The following SLC35F1 variants were observed in gnomAD, a reference collection of about 807,000 sequenced individuals.
The protein encoded by SLC35F1 is chromosome 6 open reading frame 169.
Under a neutral mutation model 48.7 loss-of-function variants are expected in SLC35F1, and 14 were observed. The observed-to-expected ratio is 0.29, with a 90% CI of 0.19 to 0.45. The LOEUF (loss-of-function observed/expected upper bound fraction) is 0.45, where lower values mean the gene tolerates loss of function less well. Among genes scored for constraint, SLC35F1 ranks in the 20% least tolerant of loss-of-function variants. SLC35F1 has a pLI of 1.00. For synonymous variants in SLC35F1, 190 were observed against 202.2 expected (o/e 0.94, Z 0.51); for missense variants, 404 against 500.0 (o/e 0.81, Z 1.83).
At chr6:118,276,955 C>T (rs1775925196) in intron 5 of SLC35F1, among the ~76,000 whole-genome samples, 1 of 152,158 alleles carries the variant, frequency 6.6e-6, no homozygotes, top group South Asian at 2.1e-4. Context: ...ATATGGTCCT[C>T]TGAGCAGCAG....
intron 1 of SLC35F1, among the ~76,000 whole-genome samples, chr6:117,990,869 C>T (rs976383453): frequency 2.0e-5 from 3 of 152,150 alleles, no homozygotes; most frequent in African/African-American, 4.8e-5. Context: ...TTGGCTCCAT[C>T]CACCAGTCTG....
At chr6:118,113,373 C>A (rs1333519074) in intron 1 of SLC35F1, among the ~76,000 whole-genome samples, 3 of 152,220 alleles carry the variant, frequency 2.0e-5, no homozygotes, top group East Asian at 1.9e-4. Flanking sequence ...AGGTGCGAGA[C>A]CTCACCTAGC....
intron 1 of SLC35F1, among the ~76,000 whole-genome samples, chr6:117,990,172 G>C (rs1268868693): frequency 6.6e-6 from 1 of 152,146 alleles, no homozygotes; most frequent in Admixed American, 6.5e-5. Context: ...AAAGGCATCA[G>C]GTGAAGATCC....
intron 4 of SLC35F1, among the ~76,000 whole-genome samples, chr6:118,273,927 G>C (rs1775888765): frequency 6.6e-6 from 1 of 152,172 alleles, no homozygotes; most frequent in East Asian, 1.9e-4. Flanking sequence ...AGTTGCCTTA[G>C]AAAAAGTGGC....
intron 1 of SLC35F1, among the ~76,000 whole-genome samples, chr6:117,959,019 G>T (rs1776461721): frequency 6.6e-6 from 1 of 152,186 alleles, no homozygotes; most frequent in African/African-American, 2.4e-5. Flanking sequence ...ATGGACTTCA[G>T]AGGCAGGCTG....
At chr6:117,919,787 C>T (rs1401732043) in intron 1 of SLC35F1, among the ~76,000 whole-genome samples, 1 of 152,178 alleles carries the variant, frequency 6.6e-6, no homozygotes, top group Non-Finnish European at 1.5e-5. Flanking sequence ...TAGCAAGCCT[C>T]CTCTTGGGAA....
At chr6:118,193,438 G>T (rs553292867) in intron 2 of SLC35F1, among the ~76,000 whole-genome samples, 7 of 152,216 alleles carry the variant, frequency 4.6e-5, no homozygotes, top group Non-Finnish European at 7.4e-5. Flanking sequence ...TTATAAGATT[G>T]ATTTTTCACA....
At chr6:118,146,704 G>A (rs1196999994) in intron 1 of SLC35F1, among the ~76,000 whole-genome samples, 2 of 151,736 alleles carry the variant, frequency 1.3e-5, no homozygotes, top group Admixed American at 6.6e-5. Flanking sequence ...CTGGAGGCAG[G>A]GCCAAGCATT....
intron 7 of SLC35F1, among the ~76,000 whole-genome samples, chr6:118,309,169 A>ATG (rs57832608): frequency 0.029 from 4,265 of 148,168 alleles, 85 homozygotes; most frequent in Non-Finnish European, 0.037. Context: ...GGGCCTGTAG[A>ATG]TGTGTGTGTG....
chr6:118,008,972 G>A (rs535690547), intron 1 of SLC35F1, among the ~76,000 whole-genome samples: 19 of 152,200 alleles, frequency 1.2e-4, no homozygotes, highest in Admixed American at 2.6e-4. Flanking sequence ...AACATATCAC[G>A]TTGGAGAACT....
At position 118,314,528 on chromosome 6, in the gene SLC35F1, G is replaced by A; in HGVS notation, c.*276G>A. The A allele has an allele frequency of 2.3e-6, 1 of 439,382 alleles. No individual in the cohort carries two copies. The highest frequency in any genetic ancestry group is 3.5e-5 in the Admixed American group (1 of 28,656). The allele number at this position is 439,382 out of a possible 1,614,324, so 27.2% of individuals were successfully genotyped here. ...GTGAAAATTTTTGAATCAAAAGCAA[G>A]TATTATTGTTATTATGATTTGTATT... On this transcript the variant is annotated 3_prime_UTR_variant, in exon 8 of 8. Coordinates refer to ENST00000360388, the MANE Select transcript of SLC35F1 (RefSeq NM_001029858.4).
At chr6:118,297,489 A>G (rs919361003) in intron 7 of SLC35F1, among the ~76,000 whole-genome samples, 5 of 151,820 alleles carry the variant, frequency 3.3e-5, no homozygotes, top group African/African-American at 7.3e-5. Context: ...CGGAAGTGCT[A>G]TTGGGTTAGC....
rs553171932 is a variant in SLC35F1, at chr6:118,049,808, G to A, written c.174-104637G>A. 4.0e-3 allele frequency among the ~76,000 whole-genome samples: 606 copies of A among 151,886 alleles called. 6 individuals carry two copies. Among genetic ancestry groups the A allele is most frequent in the African/African-American group, 0.013 (545 of 41,414 alleles). On this transcript the variant is annotated intron_variant, in intron 1 of 7. Transcript: ENST00000360388. Reference sequence around the variant, plus strand: ...CAACCATTGTGGAAGTCAGTGTGGCGATTCCTCAGGGATCTAGAACTAGAA... The same window carrying A: ...CAACCATTGTGGAAGTCAGTGTGGCAATTCCTCAGGGATCTAGAACTAGAA...
chr6:118,245,075 G>A (rs544477501), intron 3 of SLC35F1, among the ~76,000 whole-genome samples: 3 of 152,244 alleles, frequency 2.0e-5, no homozygotes, highest in African/African-American at 4.8e-5. Context: ...TCCCCTCTCC[G>A]AAGAAGCTTT....
intron 1 of SLC35F1, among the ~76,000 whole-genome samples, chr6:118,083,025 G>A (rs895102471): frequency 1.3e-5 from 2 of 152,108 alleles, no homozygotes; most frequent in African/African-American, 4.8e-5. Flanking sequence ...AAACTGCTAG[G>A]CAGAGAAAAA....
intron 2 of SLC35F1, among the ~76,000 whole-genome samples, chr6:118,174,678 A>G (rs1045893325): frequency 4.6e-5 from 7 of 152,118 alleles, no homozygotes; most frequent in African/African-American, 7.2e-5. Flanking sequence ...GTTGAAACAC[A>G]TCAAACAGAT....
At chr6:117,948,973 G>C (rs1214572510) in intron 1 of SLC35F1, among the ~76,000 whole-genome samples, 2 of 152,136 alleles carry the variant, frequency 1.3e-5, no homozygotes, top group African/African-American at 4.8e-5. Flanking sequence ...AAGACATTTG[G>C]TGGATAAAAT....
Position 118,237,261 on chromosome 6 carries a change from T to C in SLC35F1, c.477+1625T>C, listed in dbSNP as rs371368833. ...ACCAATTATAAATATGATTAAGCCATCACCTAGGACTCCCCCAGTTACATT... is the reference window on the plus strand; with the variant it reads ...ACCAATTATAAATATGATTAAGCCACCACCTAGGACTCCCCCAGTTACATT... On this transcript the variant is annotated intron_variant, in intron 3 of 7. Coordinates refer to ENST00000360388, the MANE Select transcript of SLC35F1 (RefSeq NM_001029858.4). 4.3e-4 allele frequency among the ~76,000 whole-genome samples: 65 copies of C among 152,034 alleles called. No individual in the cohort carries two copies. The South Asian group carries it at 0.012, about 27-fold the overall frequency.
chr6:117,935,188 C>T (rs900475298), intron 1 of SLC35F1, among the ~76,000 whole-genome samples: 1 of 152,206 alleles, frequency 6.6e-6, no homozygotes, highest in African/African-American at 2.4e-5. Context: ...GAAAACCTAT[C>T]TATCTTTTCC....
Sources: allele counts gnomAD v4.1 joint callset (sites outside exome capture counted in the v4.1 genomes callset), GRCh38; gene constraint gnomAD v4.1.1; transcripts MANE v1.5; gene names NCBI Gene and HGNC (gene_info 2026-07-23, HGNC 2026-07-21).